The following DYNC1LI2 variants were observed in gnomAD, a reference collection of about 807,000 sequenced individuals.
DYNC1LI2 encodes the protein cytoplasmic dynein 1 light intermediate chain 2.
In DYNC1LI2, 19 loss-of-function variants were observed where a neutral mutation model predicts 57.8. That is an observed-to-expected ratio of 0.33 (90% confidence interval 0.23 to 0.48). DYNC1LI2 has a LOEUF of 0.48. Ranked by LOEUF, DYNC1LI2 falls within the 20% of genes least tolerant of loss-of-function variation. The pLI is 0.99. For missense variants in DYNC1LI2, 470 were observed against 604.2 expected, an observed-to-expected ratio of 0.78 and a Z score of 2.33; for synonymous variants, 256 against 233.4, an observed-to-expected ratio of 1.10 and a Z score of -0.88.
At chr16:66,732,729 T>C in intron 6 of DYNC1LI2, 1 of 333,388 alleles carries the variant, frequency 3.0e-6, no homozygotes, top group Non-Finnish European at 5.4e-6. Flanking sequence ...TAAAGCTATG[T>C]TGATGCTAGT....
rs758105370 is a variant in DYNC1LI2, at chr16:66,728,223, G to C, written c.1121C>G (p.Pro374Arg). 1.2e-6 allele frequency: 2 copies of C among 1,614,092 alleles called. No homozygotes were observed. The highest frequency in any genetic ancestry group is 8.5e-7 in the Non-Finnish European group (1 of 1,180,006). The change falls in exon 10 of 13, where the codon CCA (proline) becomes CGA (arginine). Residue 374 changes from proline to arginine, a missense_variant. Pro to Arg is a moderately radical substitution (Grantham distance 103, BLOSUM62 -2). Transcript: ENST00000258198. Reference sequence around the variant, plus strand: ...CACAGAAGCTCTCGTGGGAGTGGCTGGTTGCTTGGCAAGGAGTGACTGCAA... The same window carrying C: ...CACAGAAGCTCTCGTGGGAGTGGCTCGTTGCTTGGCAAGGAGTGACTGCAA... ...MKQQSLLAKQ[P>R]ATPTRASESP...
chr16:66,734,662 G>A (rs2017699514), intron 5 of DYNC1LI2, among the ~76,000 whole-genome samples: 1 of 151,886 alleles, frequency 6.6e-6, no homozygotes, highest in South Asian at 2.1e-4. Context: ...CACTATAATT[G>A]GGTAACATGA....
intron 12 of DYNC1LI2, 30 bp downstream of exon 12, chr16:66,725,796 AAG>A: frequency 6.2e-7 from 1 of 1,603,190 alleles, no homozygotes; most frequent in Non-Finnish European, 8.5e-7. Flanking sequence ...ACTCAACCAC[AAG>A]AGTCACAAGT....
intron 2 of DYNC1LI2, among the ~76,000 whole-genome samples, chr16:66,750,996 T>C (rs1275108286): frequency 1.3e-5 from 2 of 152,100 alleles, no homozygotes; most frequent in African/African-American, 4.8e-5. Flanking sequence ...CGACCTCAAT[T>C]TGGTAACCGT....
At chr16:66,737,331 CTGGCCAACA>C (rs2017752400) in intron 4 of DYNC1LI2, among the ~76,000 whole-genome samples, 1 of 151,944 alleles carries the variant, frequency 6.6e-6, no homozygotes, top group South Asian at 2.1e-4. Context: ...AGCTTCCACC[CTGGCCAACA>C]TGGTGAAACC....
intron 4 of DYNC1LI2, among the ~76,000 whole-genome samples, chr16:66,738,084 C>G (rs1001068869): frequency 6.6e-6 from 1 of 152,208 alleles, no homozygotes; most frequent in Non-Finnish European, 1.5e-5. Flanking sequence ...TCAAACATTT[C>G]AAACCACGAG....
chr16:66,750,643 T>A (rs182066128), intron 2 of DYNC1LI2, among the ~76,000 whole-genome samples: 1 of 152,074 alleles, frequency 6.6e-6, no homozygotes, highest in African/African-American at 2.4e-5. Flanking sequence ...TCTTCTATAG[T>A]GTTTAAGAGT....
chr16:66,748,277 CAAAAAAAAAAA>C (rs36186799), intron 3 of DYNC1LI2, among the ~76,000 whole-genome samples: 9 of 66,044 alleles, frequency 1.4e-4, no homozygotes, highest in Non-Finnish European at 2.1e-4. Context: ...AACCCTGTCT[CAAAAAAAAAAA>C]AAAAAAAAAA....
At position 66,722,286 on chromosome 16, in the gene DYNC1LI2, A is replaced by G. The variant is rs1364126901; in HGVS notation, c.*1436T>C. The stretch of plus-strand genomic sequence containing the variant: ...GGAAGTTATGCTTAGACACAGTACA[A>G]CAAACATTCATATAAAAAAAGTAAA... On this transcript the variant is annotated 3_prime_UTR_variant, in exon 13 of 13. Coordinates refer to ENST00000258198, the MANE Select transcript of DYNC1LI2 (RefSeq NM_006141.3). 1 of 152,782 alleles carries G rather than the reference A, an allele frequency of 6.5e-6. No individual in the cohort carries two copies. Among genetic ancestry groups the G allele is most frequent in the East Asian group, 1.9e-4 (1 of 5,192 alleles). 9.5% of individuals were successfully genotyped at this position (152,782 alleles called of 1,614,324 possible).
intron 3 of DYNC1LI2, among the ~76,000 whole-genome samples, chr16:66,743,560 C>CAAAAAAA (rs56749595): frequency 1.1e-5 from 1 of 87,194 alleles, no homozygotes. Flanking sequence ...GACTCCATCT[C>CAAAAAAA]AAAAAAAAAA....
rs2017448761 is a variant in DYNC1LI2, at chr16:66,721,359, A to G, written c.*2363T>C. On this transcript the variant is annotated 3_prime_UTR_variant, in exon 13 of 13. Coordinates refer to ENST00000258198, the MANE Select transcript of DYNC1LI2 (RefSeq NM_006141.3). ...TTTTTTTTTTATTTTAAAGACAAAA[A>G]GCAGATGTAACCATTATAATGTGCA... 1 of 152,584 alleles carries G rather than the reference A, an allele frequency of 6.6e-6. No homozygotes were observed. The highest frequency in any genetic ancestry group is 2.4e-5 in the African/African-American group (1 of 41,432). The allele number at this position is 152,584 out of a possible 1,614,324, so 9.5% of individuals were successfully genotyped here. A position where few individuals can be genotyped will look rare whatever the true frequency, so the allele number is the denominator to read the frequency against.
At chr16:66,736,326 A>C (rs1345779914) in intron 4 of DYNC1LI2, 82 bp from the exon 5 acceptor site, 5 of 1,497,790 alleles carry the variant, frequency 3.3e-6, no homozygotes, top group Non-Finnish European at 4.5e-6. Flanking sequence ...AGAAGGCAAT[A>C]ATAAGCACAA....
At chr16:66,729,131 G>A in intron 8 of DYNC1LI2, 32 bp from the exon 9 acceptor site, 1 of 1,613,158 alleles carries the variant, frequency 6.2e-7, no homozygotes, top group Non-Finnish European at 8.5e-7. Context: ...TGTGGCCACA[G>A]GCCAAGAATA....
chr16:66,747,550 G>A (rs1794186164), intron 3 of DYNC1LI2, among the ~76,000 whole-genome samples: 1 of 151,856 alleles, frequency 6.6e-6, no homozygotes, highest in South Asian at 2.1e-4. Context: ...AATGAGTAAA[G>A]GCAAATATAA....
chr16:66,732,226 G>A (rs1037102307), intron 7 of DYNC1LI2, 113 bp downstream of exon 7: 21 of 1,310,644 alleles, frequency 1.6e-5, no homozygotes, highest in Non-Finnish European at 2.0e-5. Context: ...TGCAGTGAGA[G>A]AGCTGGCTGT....
rs2017571687 is a variant in DYNC1LI2, at chr16:66,728,271, A to AAG, written c.1102-30_1102-29insCT. 3.1e-6 allele frequency: 5 copies of AAG among 1,613,792 alleles called. No individual in the cohort carries two copies. The South Asian group carries it at 5.5e-5, about 18-fold the overall frequency. ...CAAAGAGAGGGACAAACTGGCTATTAACCAAGGCCTGCAGAGAGCACTGAA... is the reference window on the plus strand; with the variant it reads ...CAAAGAGAGGGACAAACTGGCTATTAAGACCAAGGCCTGCAGAGAGCACTGAA... On this transcript the variant is annotated intron_variant, in intron 9 of 12. Transcript: ENST00000258198.
rs1366987729 is a variant in DYNC1LI2, at chr16:66,723,488, G to C, written c.*234C>G. 1.6e-6 allele frequency: 1 copy of C among 610,050 alleles called. No individual in the cohort carries two copies. Among genetic ancestry groups the C allele is most frequent in the African/African-American group, 1.8e-5 (1 of 55,154 alleles). 37.8% of individuals were successfully genotyped at this position (610,050 alleles called of 1,614,324 possible). ...CCAGATGTGCTTGCCTCCCACAAAA[G>C]AGCCACATGCCCCAGAGTCCAAGGG... On this transcript the variant is annotated 3_prime_UTR_variant, in exon 13 of 13. Coordinates refer to ENST00000258198, the MANE Select transcript of DYNC1LI2 (RefSeq NM_006141.3).
intron 3 of DYNC1LI2, 124 bp from the exon 4 acceptor site, chr16:66,742,792 T>C: frequency 8.3e-7 from 1 of 1,206,028 alleles, no homozygotes; most frequent in Non-Finnish European, 1.1e-6. Context: ...AATGCAAAAT[T>C]TGGAAATCCA....
At chr16:66,738,214 A>AGCAC (rs1401254618) in intron 4 of DYNC1LI2, 1 of 150,558 alleles carries the variant, frequency 6.6e-6, no homozygotes, top group Non-Finnish European at 1.5e-5. Flanking sequence ...CCTAAAGTGC[A>AGCAC]GATGTGATAT....
Sources: allele counts gnomAD v4.1 joint callset (sites outside exome capture counted in the v4.1 genomes callset), GRCh38; gene constraint gnomAD v4.1.1; transcripts MANE v1.5; gene names NCBI Gene and HGNC (gene_info 2026-07-23, HGNC 2026-07-21).